The following RAD18 variants were observed in gnomAD, a reference collection of about 807,000 sequenced individuals.
RAD18 encodes RAD18 E3 ubiquitin protein ligase.
In RAD18, 47 loss-of-function variants were observed where a neutral mutation model predicts 60.4. The ratio of observed to expected loss-of-function variants is 0.78; its 90% confidence interval spans 0.62 to 0.99. The LOEUF (loss-of-function observed/expected upper bound fraction) is 0.99. Among genes scored for constraint, RAD18 ranks in the 50% least tolerant of loss-of-function variants. RAD18 has a pLI of 0.00. For synonymous variants in RAD18, 225 were observed against 195.5 expected (o/e 1.15, Z -1.26); for missense variants, 640 against 593.3 (o/e 1.08, Z -0.82).
intron 1 of RAD18, among the ~76,000 whole-genome samples, chr3:8,959,549 T>C (rs1183340176): frequency 6.6e-6 from 1 of 152,156 alleles, no homozygotes; most frequent in African/African-American, 2.4e-5. Flanking sequence ...CGTCTGGCAG[T>C]CCAGTGCTTT....
chr3:8,912,932 T>C (rs147170975), intron 8 of RAD18, among the ~76,000 whole-genome samples: 4 of 152,292 alleles, frequency 2.6e-5, no homozygotes, highest in African/African-American at 9.6e-5. Context: ...CAGGTAATAA[T>C]AGGGTCAATG....
chr3:8,929,673 A>T (rs576356252), intron 7 of RAD18, among the ~76,000 whole-genome samples: 2 of 148,236 alleles, frequency 1.3e-5, no homozygotes, highest in South Asian at 4.2e-4. Flanking sequence ...ACGGAGTCTC[A>T]CTCTGTTGCC....
chr3:8,911,573 C>G (rs1444172099), intron 9 of RAD18, among the ~76,000 whole-genome samples: 1 of 151,952 alleles, frequency 6.6e-6, no homozygotes, highest in Non-Finnish European at 1.5e-5. Context: ...TAGCAAGGCA[C>G]AGGCAATCAC....
At chr3:8,889,486 G>A (rs1939643617) in intron 12 of RAD18, among the ~76,000 whole-genome samples, 1 of 152,196 alleles carries the variant, frequency 6.6e-6, no homozygotes, top group Non-Finnish European at 1.5e-5. Context: ...TCATATAAAT[G>A]TGCTGGAAAG....
intron 1 of RAD18, among the ~76,000 whole-genome samples, chr3:8,961,629 G>A (rs1274397636): frequency 6.6e-6 from 1 of 152,186 alleles, no homozygotes; most frequent in African/African-American, 2.4e-5. Flanking sequence ...AAAATTAGGT[G>A]AGAAATTGGC....
At chr3:8,928,105 T>C (rs1362656991) in intron 7 of RAD18, among the ~76,000 whole-genome samples, 2 of 146,128 alleles carry the variant, frequency 1.4e-5, no homozygotes, top group Admixed American at 6.8e-5. Context: ...ATACATGAAG[T>C]AGTGTACTAT....
chr3:8,918,443 T>C (rs1940248602), intron 7 of RAD18, among the ~76,000 whole-genome samples: 1 of 152,160 alleles, frequency 6.6e-6, no homozygotes, highest in Admixed American at 6.5e-5. Context: ...AAAGTATTTC[T>C]TCTTCCAAAC....
intron 7 of RAD18, among the ~76,000 whole-genome samples, chr3:8,928,178 C>T (rs922969487): frequency 1.3e-5 from 2 of 148,818 alleles, no homozygotes; most frequent in African/African-American, 4.9e-5. Flanking sequence ...ATCACCCCTA[C>T]AAAAAAACAA....
At chr3:8,963,294 C>G (rs2124851618) in intron 1 of RAD18, 41 bp downstream of exon 1, 1 of 1,572,708 alleles carries the variant, frequency 6.4e-7, no homozygotes, top group Non-Finnish European at 8.7e-7. Context: ...GACCTCCCCC[C>G]GCAGACACCC....
chr3:8,931,013 T>C (rs1326298413), intron 7 of RAD18, among the ~76,000 whole-genome samples: 2 of 152,082 alleles, frequency 1.3e-5, no homozygotes, highest in Non-Finnish European at 2.9e-5. Flanking sequence ...TTCTAACCAA[T>C]GCAACTAACC....
Position 8,948,573 on chromosome 3 carries a change from G to A in RAD18, c.134-3C>T. On this transcript the variant is annotated splice_region_variant and splice_polypyrimidine_tract_variant and intron_variant, in intron 2 of 12. Coordinates refer to ENST00000264926, the MANE Select transcript of RAD18 (RefSeq NM_020165.4). ...TTTTCTTATACAGAGAGAGCAGTCTGCAAAACACAAAGTGCAACATAATGT... is the reference window on the plus strand; with the variant it reads ...TTTTCTTATACAGAGAGAGCAGTCTACAAAACACAAAGTGCAACATAATGT... 1 of 1,606,394 alleles carries A rather than the reference G, an allele frequency of 6.2e-7. No individual in the cohort carries two copies. Among genetic ancestry groups the A allele is most frequent in the Non-Finnish European group, 8.5e-7 (1 of 1,173,838 alleles).
chr3:8,945,240 A>T (rs936260551), intron 4 of RAD18, among the ~76,000 whole-genome samples: 1 of 152,214 alleles, frequency 6.6e-6, no homozygotes, highest in Non-Finnish European at 1.5e-5. Flanking sequence ...TTTAGAATGC[A>T]AACCAATAAA....
chr3:8,916,650 CT>C (rs911498727), intron 7 of RAD18, among the ~76,000 whole-genome samples: 3 of 151,698 alleles, frequency 2.0e-5, no homozygotes, highest in South Asian at 4.2e-4. Flanking sequence ...AATGGAAATA[CT>C]TTTTTTTAGA....
In RAD18 at chr3:8,913,684, T is replaced by C. The variant is rs1215140867; in HGVS notation, c.926A>G (p.Lys309Arg). The change falls in exon 8 of 13, where the codon AAG becomes AGG. Residue 309 changes from lysine to arginine, a missense_variant. Lys to Arg is a conservative substitution (Grantham distance 26). Coordinates refer to ENST00000264926, the MANE Select transcript of RAD18 (RefSeq NM_020165.4). ...ACTAGCTTCAAGACGCATCCTAGTC[T>C]TCTCTATATTTTCGATTTCTCGAAC... ...EIVREIENIEKTRMRLEASKL... is the reference protein window; with the variant it reads ...EIVREIENIERTRMRLEASKL... 1 of 1,580,368 alleles carries C rather than the reference T, an allele frequency of 6.3e-7. No homozygotes were observed. The highest frequency in any genetic ancestry group is 1.4e-5 in the African/African-American group (1 of 73,442).
At chr3:8,890,944 A>G (rs935888749) in intron 11 of RAD18, among the ~76,000 whole-genome samples, 4 of 152,044 alleles carry the variant, frequency 2.6e-5, no homozygotes, top group Non-Finnish European at 4.4e-5. Context: ...TTTTAAAACT[A>G]TCATCTTCCT....
chr3:8,917,739 G>GA (rs1272039822), intron 7 of RAD18, among the ~76,000 whole-genome samples: 2 of 151,706 alleles, frequency 1.3e-5, no homozygotes, highest in African/African-American at 4.8e-5. Flanking sequence ...CGGAACAAAG[G>GA]AAAAAACAGC....
chr3:8,915,273 A>G (rs2125056161), intron 7 of RAD18, among the ~76,000 whole-genome samples: 1 of 152,276 alleles, frequency 6.6e-6, no homozygotes, highest in Middle Eastern at 3.4e-3. Context: ...CTCTCACCCT[A>G]ATGACGAGAA....
At chr3:8,908,458 G>A (rs745432266) in intron 9 of RAD18, among the ~76,000 whole-genome samples, 25 of 152,070 alleles carry the variant, frequency 1.6e-4, no homozygotes, top group Non-Finnish European at 2.1e-4. Context: ...ACGATGTCAA[G>A]AGACATAGGG....
intron 1 of RAD18, among the ~76,000 whole-genome samples, chr3:8,961,189 G>T (rs1941090493): frequency 1.3e-5 from 2 of 152,254 alleles, no homozygotes; most frequent in South Asian, 2.1e-4. Context: ...GCCATTTCTG[G>T]TTCAAATTTC....
Sources: allele counts gnomAD v4.1 joint callset (sites outside exome capture counted in the v4.1 genomes callset), GRCh38; gene constraint gnomAD v4.1.1; transcripts MANE v1.5; gene names NCBI Gene and HGNC (gene_info 2026-07-23, HGNC 2026-07-21).